EPHA3: variants seen among roughly 807,000 people sequenced by gnomAD.
EPHA3 encodes the protein EPH receptor A3.
In EPHA3, 42 loss-of-function variants were observed where a neutral mutation model predicts 107.1. The observed-to-expected ratio is 0.39, with a 90% CI of 0.31 to 0.51. EPHA3 has a LOEUF of 0.51. Among genes scored for constraint, EPHA3 ranks in the 20% least tolerant of loss-of-function variants. EPHA3 has a pLI of 0.78. For synonymous variants in EPHA3, 461 were observed against 424.8 expected (o/e 1.09, Z -1.05); for missense variants, 1,183 against 1,211.2 (o/e 0.98, Z 0.35).
chr3:89,391,491 C>T (rs1187830119), intron 5 of EPHA3, among the ~76,000 whole-genome samples: 1 of 142,970 alleles, frequency 7.0e-6, no homozygotes, highest in Non-Finnish European at 1.5e-5. Flanking sequence ...GTGATCTCGA[C>T]TCGATGCAAG....
In EPHA3 at chr3:89,397,872, C is replaced by T. The variant is rs561536704; in HGVS notation, c.1432-1446C>T. ...TGCTGGGATTACAGGCGTGAGCCACCACCCCTGGACATTACTTTTAAACAA... is the reference window on the plus strand; with the variant it reads ...TGCTGGGATTACAGGCGTGAGCCACTACCCCTGGACATTACTTTTAAACAA... On this transcript the variant is annotated intron_variant, in intron 6 of 16. Coordinates refer to ENST00000336596, the MANE Select transcript of EPHA3 (RefSeq NM_005233.6). 1.5e-4 allele frequency among the ~76,000 whole-genome samples: 23 copies of T among 152,234 alleles called. 1 individual carries two copies. The highest frequency in any genetic ancestry group is 6.8e-3 in the Middle Eastern group (2 of 294).
chr3:89,155,794 C>G (rs1480431451), intron 2 of EPHA3, among the ~76,000 whole-genome samples: 1 of 151,984 alleles, frequency 6.6e-6, no homozygotes, highest in Admixed American at 6.6e-5. Context: ...TTAGTGATTT[C>G]TTTTATGAGA....
chr3:89,205,177 G>A (rs1178171898), intron 2 of EPHA3, among the ~76,000 whole-genome samples: 1 of 152,018 alleles, frequency 6.6e-6, no homozygotes, highest in Admixed American at 6.6e-5. Flanking sequence ...TCTCTTAAAG[G>A]AAGTGTAAAC....
rs371058712 is a variant in EPHA3, at chr3:89,241,126, A to G, written c.814+30606A>G. Among the ~76,000 whole-genome samples the G allele has an allele frequency of 2.6e-4, 39 of 152,112 alleles. No homozygotes were observed. The East Asian group carries it at 3.1e-3, about 12-fold the overall frequency. ...AAGCAGTCAAATATCTAATATAAAC[A>G]TTAAAAAAACACCAGTCATTGCATA... On this transcript the variant is annotated intron_variant, in intron 3 of 16. Transcript: ENST00000336596.
At chr3:89,319,387 G>T (rs777181927) in intron 3 of EPHA3, among the ~76,000 whole-genome samples, 7 of 151,818 alleles carry the variant, frequency 4.6e-5, no homozygotes, top group Non-Finnish European at 1.0e-4. Context: ...TTTGTATTAG[G>T]CAGTATTAGG....
intron 5 of EPHA3, among the ~76,000 whole-genome samples, chr3:89,371,729 C>A (rs1332909422): frequency 1.3e-5 from 2 of 151,556 alleles, no homozygotes; most frequent in African/African-American, 4.8e-5. Context: ...CATACACACA[C>A]ACACACACAC....
chr3:89,444,316 A>T (rs1709839602), intron 13 of EPHA3, among the ~76,000 whole-genome samples: 1 of 152,144 alleles, frequency 6.6e-6, no homozygotes, highest in Admixed American at 6.6e-5. Context: ...ATGAGAATGT[A>T]TGTATCTATC....
chr3:89,444,565 C>A (rs1224729640), intron 13 of EPHA3, among the ~76,000 whole-genome samples: 2 of 151,856 alleles, frequency 1.3e-5, no homozygotes, highest in African/African-American at 2.4e-5. Context: ...AGTGAGCTTT[C>A]CCTTGTAGCA....
chr3:89,316,500 T>TA (rs1346128071), intron 3 of EPHA3, among the ~76,000 whole-genome samples: 7 of 110,020 alleles, frequency 6.4e-5, no homozygotes, highest in East Asian at 5.3e-4. Flanking sequence ...TGTGTGTGTG[T>TA]GTGTAATATA....
chr3:89,334,861 T>C (rs1216284478), intron 3 of EPHA3, among the ~76,000 whole-genome samples: 2 of 152,166 alleles, frequency 1.3e-5, no homozygotes, highest in East Asian at 1.9e-4. Flanking sequence ...AAACATGCCA[T>C]TTCCCGCTTC....
intron 1 of EPHA3, among the ~76,000 whole-genome samples, chr3:89,108,423 A>G (rs1430389180): frequency 6.6e-6 from 1 of 152,210 alleles, no homozygotes; most frequent in Non-Finnish European, 1.5e-5. Context: ...TCTAAAGAGC[A>G]GCATATGCCA....
intron 3 of EPHA3, among the ~76,000 whole-genome samples, chr3:89,278,858 C>A (rs182827423): frequency 1.3e-5 from 2 of 152,224 alleles, no homozygotes; most frequent in African/African-American, 2.4e-5. Context: ...GGATAGATTT[C>A]ATTACTCTAA....
intron 3 of EPHA3, among the ~76,000 whole-genome samples, chr3:89,298,849 T>G (rs973483237): frequency 5.9e-5 from 9 of 152,068 alleles, no homozygotes; most frequent in Non-Finnish European, 1.3e-4. Context: ...GGAAAAGAAC[T>G]CAAAATAAGA....
At chr3:89,419,726 C>G (rs1709319722) in intron 11 of EPHA3, among the ~76,000 whole-genome samples, 1 of 151,408 alleles carries the variant, frequency 6.6e-6, no homozygotes, top group Non-Finnish European at 1.5e-5. Context: ...ATGACTCAAG[C>G]TTGACAGGAA....
intron 11 of EPHA3, among the ~76,000 whole-genome samples, chr3:89,425,599 ATATT>A (rs1328572905): frequency 4.0e-5 from 6 of 151,522 alleles, no homozygotes; most frequent in African/African-American, 1.5e-4. Flanking sequence ...TTAAATGTAA[ATATT>A]TAATAATGTT....
At position 89,236,379 on chromosome 3, in the gene EPHA3, A is replaced by G. The variant is rs1365368324; in HGVS notation, c.814+25859A>G. On this transcript the variant is annotated intron_variant, in intron 3 of 16. Coordinates refer to ENST00000336596, the MANE Select transcript of EPHA3 (RefSeq NM_005233.6). ...GTATGTTAATACAATGAATTACTAC[A>G]CTACAATCAAGATTAATAACAAATG... Among the ~76,000 whole-genome samples, 5 of 152,136 alleles carry G rather than the reference A, an allele frequency of 3.3e-5. No individual in the cohort carries two copies. In the East Asian group the frequency reaches 9.6e-4, roughly 29 times the overall value.
chr3:89,266,637 T>C (rs1705544652), intron 3 of EPHA3, among the ~76,000 whole-genome samples: 1 of 152,138 alleles, frequency 6.6e-6, no homozygotes, highest in African/African-American at 2.4e-5. Context: ...TATTCGGTCA[T>C]CATTGGTAAT....
chr3:89,427,186 C>T (rs1709473902), intron 11 of EPHA3, among the ~76,000 whole-genome samples: 1 of 151,752 alleles, frequency 6.6e-6, no homozygotes, highest in African/African-American at 2.4e-5. Context: ...GTGGTTGTAA[C>T]ATGTATAAAA....
At chr3:89,350,653 C>T (rs1406375841) in intron 5 of EPHA3, among the ~76,000 whole-genome samples, 1 of 151,246 alleles carries the variant, frequency 6.6e-6, no homozygotes, top group African/African-American at 2.4e-5. Context: ...TGTTCCATTG[C>T]TGGTGAGGAA....
Sources: allele counts gnomAD v4.1 joint callset (sites outside exome capture counted in the v4.1 genomes callset), GRCh38; gene constraint gnomAD v4.1.1; transcripts MANE v1.5; gene names NCBI Gene and HGNC (gene_info 2026-07-23, HGNC 2026-07-21).